Variants in TADA2A observed in about 807,000 individuals in gnomAD.
TADA2A encodes transcriptional adapter 2-alpha.
In TADA2A, 38 loss-of-function variants were observed where a neutral mutation model predicts 67.4. The observed-to-expected ratio is 0.56, with a 90% CI of 0.44 to 0.74. The LOEUF (loss-of-function observed/expected upper bound fraction) is 0.74. Among genes scored for constraint, TADA2A ranks in the 30% least tolerant of loss-of-function variants. The pLI is 0.00. For missense variants in TADA2A, 454 were observed against 547.0 expected (o/e 0.83, Z 1.70); for synonymous variants, 192 against 181.6 (o/e 1.06, Z -0.46).
rs754266356 is a variant in TADA2A, at chr17:37,442,548, T to G, written c.443-16T>G. ...TATTGTATTAGTTAACTCAGAAACC[T>G]TCTAAATTCTTCCAGCTACAGATGA... On this transcript the variant is annotated splice_polypyrimidine_tract_variant and intron_variant, in intron 6 of 15. Coordinates refer to ENST00000615182, the MANE Select transcript of TADA2A (RefSeq NM_001166105.3). 6.2e-7 allele frequency: 1 copy of G among 1,609,562 alleles called. No homozygotes were observed. Among genetic ancestry groups the G allele is most frequent in the Non-Finnish European group, 8.5e-7 (1 of 1,176,316 alleles).
chr17:37,438,624 A>G (rs2052803979), intron 5 of TADA2A, among the ~76,000 whole-genome samples: 1 of 152,174 alleles, frequency 6.6e-6, no homozygotes, highest in South Asian at 2.1e-4. Context: ...CAGGGACCTG[A>G]AGAAGGAGAC....
rs148564414 is a variant in TADA2A at position 37,461,411 on chromosome 17, C to T, written c.669-667C>T. 3.2e-3 allele frequency among the ~76,000 whole-genome samples: 494 copies of T among 152,302 alleles called. 2 individuals carry two copies. Among genetic ancestry groups the T allele is most frequent in the Middle Eastern group, 0.01 (3 of 294 alleles). ...TTCCATGAAATGCTGAAGAAGCATA[C>T]CCAGTTGCTCCTATGAGAAGCTTCA... On this transcript the variant is annotated intron_variant, in intron 9 of 15. Coordinates refer to ENST00000615182, the MANE Select transcript of TADA2A (RefSeq NM_001166105.3).
At chr17:37,426,699 A>T in intron 3 of TADA2A, 1 of 319,172 alleles carries the variant, frequency 3.1e-6, no homozygotes, top group Non-Finnish European at 5.6e-6. Context: ...ACTTGTCAAG[A>T]AGTGGTGTGG....
intron 2 of TADA2A, among the ~76,000 whole-genome samples, chr17:37,419,702 TG>T (rs1355720981): frequency 7.1e-6 from 1 of 140,058 alleles, no homozygotes; most frequent in Non-Finnish European, 1.6e-5. Flanking sequence ...TGCTTGAACG[TG>T]GGAGGCAGAG....
intron 10 of TADA2A, among the ~76,000 whole-genome samples, chr17:37,464,834 A>C (rs1419313813): frequency 1.2e-5 from 1 of 82,242 alleles, no homozygotes; most frequent in African/African-American, 5.8e-5. Context: ...GCAAGACTCC[A>C]TCTCAAAAAA....
intron 6 of TADA2A, among the ~76,000 whole-genome samples, chr17:37,441,151 C>T (rs150761399): frequency 7.9e-5 from 12 of 151,810 alleles, no homozygotes; most frequent in African/African-American, 2.9e-4. Context: ...GGAACATACT[C>T]TAAGGGTCAG....
intron 12 of TADA2A, among the ~76,000 whole-genome samples, chr17:37,469,753 T>C (rs2053745471): frequency 6.6e-6 from 1 of 152,232 alleles, no homozygotes; most frequent in Non-Finnish European, 1.5e-5. Flanking sequence ...TCTAAGATAC[T>C]CTTGTGGTAT....
intron 8 of TADA2A, among the ~76,000 whole-genome samples, chr17:37,456,071 G>A (rs1484234189): frequency 6.6e-6 from 1 of 152,112 alleles, no homozygotes; most frequent in Non-Finnish European, 1.5e-5. Flanking sequence ...AGGCATGGTG[G>A]CGCACACCTG....
At chr17:37,432,009 C>T (rs186402663) in intron 4 of TADA2A, among the ~76,000 whole-genome samples, 67 of 152,194 alleles carry the variant, frequency 4.4e-4, no homozygotes, top group Admixed American at 4.4e-3. Context: ...ATATCTAAAA[C>T]CCTGCTGCCT....
intron 15 of TADA2A, 123 bp from the exon 16 acceptor site, chr17:37,476,674 C>T: frequency 2.2e-6 from 2 of 905,836 alleles, no homozygotes; most frequent in Non-Finnish European, 3.3e-6. Context: ...AGTCCAGCCA[C>T]CCATCAGCTC....
rs571214727 is a variant in TADA2A at position 37,459,177 on chromosome 17, G to A, written c.668+590G>A. 2.2e-4 allele frequency among the ~76,000 whole-genome samples: 33 copies of A among 151,260 alleles called. No homozygotes were observed. In the South Asian group the frequency reaches 6.5e-3, roughly 30 times the overall value. ...TTATGATGAACAATGAATAATATGGGTACACTGTTTTAAGCTATTTGAAGT... is the reference window on the plus strand; with the variant it reads ...TTATGATGAACAATGAATAATATGGATACACTGTTTTAAGCTATTTGAAGT... On this transcript the variant is annotated intron_variant, in intron 9 of 15. Transcript: ENST00000615182.
In TADA2A at chr17:37,451,360, C is replaced by T. The variant is rs2053228870; in HGVS notation, c.604+6592C>T. 2.7e-5 allele frequency among the ~76,000 whole-genome samples: 4 copies of T among 149,280 alleles called. No homozygotes were observed. The South Asian group carries it at 8.6e-4, about 32-fold the overall frequency. On this transcript the variant is annotated intron_variant, in intron 8 of 15. Transcript: ENST00000615182. ...TTTTTTTTGAGACGCCCTCTGTAGC[C>T]CAGGTTGGAGTGCAGTGGTGCAATC...
At chr17:37,416,073 T>C (rs1365298450) in intron 2 of TADA2A, among the ~76,000 whole-genome samples, 1 of 152,012 alleles carries the variant, frequency 6.6e-6, no homozygotes, top group African/African-American at 2.4e-5. Context: ...CCAAATTGTC[T>C]TTGTGTCTTT....
At chr17:37,425,916 C>T (rs146994184) in intron 3 of TADA2A, among the ~76,000 whole-genome samples, 1 of 151,496 alleles carries the variant, frequency 6.6e-6, no homozygotes, top group Non-Finnish European at 1.5e-5. Context: ...CTCAGCCTCC[C>T]AGAATGCTAG....
intron 12 of TADA2A, among the ~76,000 whole-genome samples, chr17:37,468,431 A>G (rs904407251): frequency 1.4e-4 from 22 of 152,314 alleles, no homozygotes; most frequent in Non-Finnish European, 4.4e-5. Flanking sequence ...GTATTATAGT[A>G]GTTAAGAGCT....
chr17:37,407,240 T>A (rs1350540667), intron 1 of TADA2A: 1 of 152,310 alleles, frequency 6.6e-6, no homozygotes, highest in Admixed American at 6.5e-5. Flanking sequence ...CGCTCAGCCC[T>A]GGAGCGCGTA....
rs1053653459 is a variant in TADA2A at position 37,421,428 on chromosome 17, C to T, written c.26-2081C>T. On this transcript the variant is annotated intron_variant, in intron 2 of 15. Transcript: ENST00000615182. ...TGTCTCAAGAAAAAAAAGAAAAATC[C>T]GAACTCAAATATAAAATAGTATATT... Among the ~76,000 whole-genome samples, 3 of 146,184 alleles carry T rather than the reference C, an allele frequency of 2.1e-5. 1 individual carries two copies. Among genetic ancestry groups the T allele is most frequent in the Non-Finnish European group, 3.1e-5 (2 of 65,468 alleles).
intron 15 of TADA2A, among the ~76,000 whole-genome samples, chr17:37,475,800 C>G (rs1001705012): frequency 7.9e-5 from 12 of 152,174 alleles, no homozygotes; most frequent in Non-Finnish European, 7.3e-5. Context: ...TTTCCAGTTG[C>G]AATCATCAGA....
At chr17:37,448,868 C>T (rs141166969) in intron 8 of TADA2A, among the ~76,000 whole-genome samples, 29 of 152,194 alleles carry the variant, frequency 1.9e-4, no homozygotes, top group Non-Finnish European at 1.6e-4. Flanking sequence ...TCTGTGGACC[C>T]CTTCACCTTT....
Sources: gnomAD v4.1 joint callset for allele counts (sites outside exome capture counted in the v4.1 genomes callset) on GRCh38, gnomAD v4.1.1 for gene constraint, MANE v1.5 for transcripts, NCBI Gene and HGNC (gene_info 2026-07-23, HGNC 2026-07-21) for gene names.